The following LYPLAL1 variants were observed in gnomAD, a reference collection of about 807,000 sequenced individuals.
The protein encoded by LYPLAL1 is lysophospholipase like 1.
A neutral mutation model predicts 19.7 loss-of-function variants in LYPLAL1; 23 were observed. The ratio of observed to expected loss-of-function variants is 1.17; its 90% CI spans 0.84 to 1.65. The LOEUF is 1.65. Ranked by LOEUF, LYPLAL1 falls within the 40% of genes most tolerant of loss-of-function variation. The pLI, the probability that LYPLAL1 is intolerant of heterozygous loss-of-function variation, is 0.00. For synonymous variants in LYPLAL1, 119 were observed against 96.3 expected (o/e 1.24, Z -1.38); for missense variants, 355 against 279.4 (o/e 1.27, Z -1.93).
the LYPLAL1 span, among the ~76,000 whole-genome samples, chr1:219,442,940 C>A: frequency 6.6e-6 from 1 of 152,132 alleles, no homozygotes; most frequent in African/African-American, 2.4e-5. Context: ...CAGTTATTTT[C>A]TTTCTTCAGT....
At chr1:219,182,868 T>G (rs879883433) in intron 2 of LYPLAL1, among the ~76,000 whole-genome samples, 7 of 152,040 alleles carry the variant, frequency 4.6e-5, no homozygotes, top group African/African-American at 1.7e-4. Context: ...GTTGGCCAGT[T>G]TTGTCCTAGA....
At chr1:219,326,719 C>A in the LYPLAL1 span, among the ~76,000 whole-genome samples, 1 of 152,118 alleles carries the variant, frequency 6.6e-6, no homozygotes, top group South Asian at 2.1e-4. Context: ...AAAGAGGAGC[C>A]TTTTAAAAAG....
intron 2 of LYPLAL1, among the ~76,000 whole-genome samples, chr1:219,188,805 T>C (rs537137434): frequency 6.6e-6 from 1 of 151,898 alleles, no homozygotes; most frequent in African/African-American, 2.4e-5. Flanking sequence ...ATTTATTTAT[T>C]GTGGTAATGT....
chr1:219,244,202 G>GT, the LYPLAL1 span, among the ~76,000 whole-genome samples: 3 of 152,184 alleles, frequency 2.0e-5, no homozygotes, highest in Non-Finnish European at 2.9e-5. Flanking sequence ...CATAGTTATA[G>GT]TAAGTGAGGG....
At chr1:219,265,994 G>T in the LYPLAL1 span, among the ~76,000 whole-genome samples, 1 of 151,980 alleles carries the variant, frequency 6.6e-6, no homozygotes, top group African/African-American at 2.4e-5. Context: ...AATGGTAAGT[G>T]AACATAAAAG....
intron 2 of LYPLAL1, 105 bp downstream of exon 2, chr1:219,179,351 A>G (rs1471307826): frequency 2.5e-6 from 2 of 816,160 alleles, no homozygotes; most frequent in African/African-American, 1.8e-5. Flanking sequence ...TGTATTTAAC[A>G]TACTTTAAAT....
chr1:219,236,485 C>G, the LYPLAL1 span, among the ~76,000 whole-genome samples: 3 of 152,184 alleles, frequency 2.0e-5, no homozygotes, highest in Non-Finnish European at 4.4e-5. Flanking sequence ...TTTTTACTTT[C>G]AGGCATTAAG....
intron 3 of LYPLAL1, chr1:219,200,666 A>G: frequency 4.3e-6 from 1 of 233,660 alleles, no homozygotes; most frequent in Non-Finnish European, 8.8e-6. Flanking sequence ...ATCTGTCAAA[A>G]ACCACAACTC....
the LYPLAL1 span, among the ~76,000 whole-genome samples, chr1:219,301,354 T>A: frequency 1.3e-5 from 2 of 152,160 alleles, no homozygotes; most frequent in African/African-American, 4.8e-5. Context: ...GTCTGACATA[T>A]AAACATGTGA....
chr1:219,311,867 G>A, the LYPLAL1 span, among the ~76,000 whole-genome samples: 1 of 152,022 alleles, frequency 6.6e-6, no homozygotes, highest in East Asian at 1.9e-4. Flanking sequence ...TACATAGAAT[G>A]CTTTTAATAA....
At chr1:219,391,031 A>G in the LYPLAL1 span, among the ~76,000 whole-genome samples, 1 of 152,168 alleles carries the variant, frequency 6.6e-6, no homozygotes, top group Admixed American at 6.5e-5. Context: ...CAACTGACAA[A>G]AAGCCAACAA....
At chr1:219,208,816 T>A (rs1658775762) in intron 3 of LYPLAL1, among the ~76,000 whole-genome samples, 1 of 152,114 alleles carries the variant, frequency 6.6e-6, no homozygotes, top group Admixed American at 6.5e-5. Flanking sequence ...GAGAAATCTG[T>A]AACTAGAATT....
At chr1:219,230,027 AAG>A in the LYPLAL1 span, among the ~76,000 whole-genome samples, 3 of 152,368 alleles carry the variant, frequency 2.0e-5, no homozygotes, top group Admixed American at 1.3e-4. Context: ...AAATAAAAAT[AAG>A]AGATTTTTCT....
At chr1:219,206,273 T>C (rs1658559756) in intron 3 of LYPLAL1, among the ~76,000 whole-genome samples, 1 of 152,142 alleles carries the variant, frequency 6.6e-6, no homozygotes, top group Non-Finnish European at 1.5e-5. Flanking sequence ...AAATGTTAAC[T>C]CTTGACATTT....
At chr1:219,223,154 G>A in the LYPLAL1 span, 7 of 151,686 alleles carry the variant, frequency 4.6e-5, no homozygotes, top group Non-Finnish European at 1.0e-4. Flanking sequence ...TAAAAGCATG[G>A]GCCCAAGGCT....
the LYPLAL1 span, among the ~76,000 whole-genome samples, chr1:219,263,050 G>A: frequency 1.9e-3 from 296 of 152,258 alleles, 3 homozygotes; most frequent in African/African-American, 6.9e-3. Flanking sequence ...GACAGGATAA[G>A]TTTCTCAGGT....
the LYPLAL1 span, among the ~76,000 whole-genome samples, chr1:219,356,080 G>A: frequency 3.9e-5 from 6 of 152,004 alleles, no homozygotes; most frequent in African/African-American, 1.4e-4. Context: ...AGTTAAAACT[G>A]AGAATTTAAT....
At chr1:219,370,979 A>G in the LYPLAL1 span, among the ~76,000 whole-genome samples, 3 of 152,324 alleles carry the variant, frequency 2.0e-5, no homozygotes, top group Non-Finnish European at 2.9e-5. Context: ...ATTCCTCTCC[A>G]TACAACCTTC....
chr1:219,365,372 A>C, the LYPLAL1 span, among the ~76,000 whole-genome samples: 1 of 152,154 alleles, frequency 6.6e-6, no homozygotes, highest in Admixed American at 6.5e-5. Context: ...CCTCCATGCT[A>C]ATTTATTTTC....
Sources: gnomAD v4.1 joint callset for allele counts (sites outside exome capture counted in the v4.1 genomes callset) on GRCh38, gnomAD v4.1.1 for gene constraint, MANE v1.5 for transcripts, NCBI Gene and HGNC (gene_info 2026-07-23, HGNC 2026-07-21) for gene names.